PTPRT: variants seen among roughly 807,000 people sequenced by gnomAD.
The protein encoded by PTPRT is receptor-type tyrosine-protein phosphatase T.
Under a neutral mutation model 176.8 loss-of-function variants are expected in PTPRT, and 56 were observed. The ratio of observed to expected loss-of-function variants is 0.32; its 90% CI spans 0.26 to 0.40. The LOEUF is 0.40. Ranked by LOEUF, PTPRT falls within the 10% of genes least tolerant of loss-of-function variation. The pLI is 1.00. For missense variants in PTPRT, 1,540 were observed against 1,908.2 expected (o/e 0.81, Z 3.60); for synonymous variants, 783 against 739.0 (o/e 1.06, Z -0.96).
intron 7 of PTPRT, among the ~76,000 whole-genome samples, chr20:42,525,244 C>T (rs1254822088): frequency 1.3e-5 from 2 of 152,158 alleles, no homozygotes; most frequent in Non-Finnish European, 2.9e-5. Flanking sequence ...CCTCAGCCTC[C>T]CGAAGTGCTA....
chr20:43,096,473 C>A (rs2012172816), intron 1 of PTPRT, among the ~76,000 whole-genome samples: 1 of 152,196 alleles, frequency 6.6e-6, no homozygotes, highest in African/African-American at 2.4e-5. Context: ...AAGGCCTAAT[C>A]CTCATGCAGG....
intron 1 of PTPRT, among the ~76,000 whole-genome samples, chr20:43,024,418 G>C (rs1474700190): frequency 2.0e-5 from 3 of 151,862 alleles, no homozygotes; most frequent in African/African-American, 7.3e-5. Context: ...GTGAAACCCT[G>C]TCTCTACTAA....
intron 2 of PTPRT, among the ~76,000 whole-genome samples, chr20:42,800,323 C>T (rs948536206): frequency 5.3e-5 from 8 of 152,186 alleles, no homozygotes; most frequent in African/African-American, 1.9e-4. Flanking sequence ...TGATCATCAA[C>T]TCCCTGGAGT....
At chr20:42,564,934 TTA>T (rs2073013589) in intron 7 of PTPRT, among the ~76,000 whole-genome samples, 1 of 152,078 alleles carries the variant, frequency 6.6e-6, no homozygotes, top group South Asian at 2.1e-4. Context: ...TCCAAGAATT[TTA>T]GTATCCAAGG....
chr20:43,138,495 C>T (rs2013904187), intron 1 of PTPRT, among the ~76,000 whole-genome samples: 2 of 152,336 alleles, frequency 1.3e-5, no homozygotes, highest in South Asian at 4.1e-4. Flanking sequence ...CAGCATTTAC[C>T]CCACAGGGTT....
intron 15 of PTPRT, among the ~76,000 whole-genome samples, chr20:42,209,874 T>A (rs7344944): frequency 0.31 from 47,639 of 151,596 alleles, 8,400 homozygotes; most frequent in East Asian, 0.38. Context: ...ATATCCTTGA[T>A]GAACATTGAT....
At chr20:42,981,933 C>A (rs1983304696) in intron 1 of PTPRT, among the ~76,000 whole-genome samples, 1 of 152,138 alleles carries the variant, frequency 6.6e-6, no homozygotes, top group Non-Finnish European at 1.5e-5. Context: ...GCAATGGTCT[C>A]TTTATGGGGC....
chr20:42,478,135 C>G (rs969946339), intron 7 of PTPRT, among the ~76,000 whole-genome samples: 4 of 152,218 alleles, frequency 2.6e-5, no homozygotes, highest in African/African-American at 4.8e-5. Context: ...GTGGACAGAA[C>G]TTGCACCTGA....
At position 42,087,227 on chromosome 20, in the gene PTPRT, AATT is replaced by A. The variant is rs879290197; in HGVS notation, c.3847-1377_3847-1375del. Reference sequence around the variant, plus strand: ...AGAAAACCTAGTATAAAATCATTATAATTATTATTATTATTATTTTTGAGACGG... The same window carrying A: ...AGAAAACCTAGTATAAAATCATTATAATTATTATTATTATTTTTGAGACGG... On this transcript the variant is annotated intron_variant, in intron 27 of 30. Transcript: ENST00000373187. Among the ~76,000 whole-genome samples, 400 of 150,414 alleles carry A rather than the reference AATT, an allele frequency of 2.7e-3. 2 individuals are homozygous for A. Among genetic ancestry groups the A allele is most frequent in the African/African-American group, 9.1e-3 (371 of 40,934 alleles).
intron 1 of PTPRT, among the ~76,000 whole-genome samples, chr20:43,129,613 CTTTT>C (rs869293740): frequency 3.8e-4 from 33 of 87,268 alleles, no homozygotes; most frequent in African/African-American, 1.4e-3. Context: ...CCAAAGAGTT[CTTTT>C]TTTTTTTTTT....
intron 9 of PTPRT, among the ~76,000 whole-genome samples, chr20:42,435,755 T>C (rs2059256975): frequency 1.3e-5 from 2 of 152,202 alleles, no homozygotes; most frequent in South Asian, 4.1e-4. Flanking sequence ...AAACAACAGA[T>C]GTTTTCATTA....
chr20:42,533,842 G>T (rs2072427579), intron 7 of PTPRT, among the ~76,000 whole-genome samples: 1 of 152,180 alleles, frequency 6.6e-6, no homozygotes, highest in Non-Finnish European at 1.5e-5. Flanking sequence ...CTGTAAATTG[G>T]GTCAATGGTT....
rs182442178 is a variant in PTPRT, at chr20:42,830,144, A to G, written c.215-38678T>C. Among the ~76,000 whole-genome samples, 3 of 152,316 alleles carry G rather than the reference A, an allele frequency of 2.0e-5. No individual in the cohort carries two copies. The East Asian group carries it at 5.8e-4, about 29-fold the overall frequency. ...CAAAAACCTGGCAGAGACACAACAA[A>G]AAAAGAAACTTCAGGCCAATATCCT... is the stretch of plus-strand genomic sequence containing the variant. On this transcript the variant is annotated intron_variant, in intron 2 of 30. Coordinates refer to ENST00000373187, the MANE Select transcript of PTPRT (RefSeq NM_007050.6).
intron 7 of PTPRT, among the ~76,000 whole-genome samples, chr20:42,517,685 G>A (rs2072094705): frequency 6.6e-6 from 1 of 151,912 alleles, no homozygotes; most frequent in Non-Finnish European, 1.5e-5. Flanking sequence ...ACATATAATA[G>A]TTTCATTATC....
intron 7 of PTPRT, among the ~76,000 whole-genome samples, chr20:42,585,195 T>C (rs2073451035): frequency 6.6e-6 from 1 of 152,196 alleles, no homozygotes; most frequent in East Asian, 1.9e-4. Context: ...CAGCAGGGGT[T>C]TAGATTTGCT....
chr20:42,115,878 G>C (rs969147371), intron 21 of PTPRT, among the ~76,000 whole-genome samples: 2 of 152,304 alleles, frequency 1.3e-5, no homozygotes, highest in East Asian at 3.9e-4. Context: ...AAGGCTCTTG[G>C]TTGGGAAAAG....
chr20:43,102,414 G>A (rs1162779249), intron 1 of PTPRT, among the ~76,000 whole-genome samples: 5 of 151,794 alleles, frequency 3.3e-5, no homozygotes, highest in African/African-American at 1.2e-4. Context: ...TTTTACATTG[G>A]GAATAGGAGA....
At chr20:42,468,491 G>A (rs566032736) in intron 8 of PTPRT, among the ~76,000 whole-genome samples, 3 of 152,326 alleles carry the variant, frequency 2.0e-5, no homozygotes, top group South Asian at 2.1e-4. Flanking sequence ...ATCATGTCTC[G>A]TATGTTGGTG....
At chr20:42,436,159 T>C (rs1342734470) in intron 9 of PTPRT, among the ~76,000 whole-genome samples, 1 of 152,210 alleles carries the variant, frequency 6.6e-6, no homozygotes, top group Non-Finnish European at 1.5e-5. Flanking sequence ...AGCAGAAATA[T>C]AGGCAATCAT....
Sources: allele counts gnomAD v4.1 joint callset (sites outside exome capture counted in the v4.1 genomes callset), GRCh38; gene constraint gnomAD v4.1.1; transcripts MANE v1.5; gene names NCBI Gene and HGNC (gene_info 2026-07-23, HGNC 2026-07-21).